Variants in DNAH7 observed in about 807,000 individuals in gnomAD.
The protein encoded by DNAH7 is dynein axonemal heavy chain 7, also known as axonemal beta dynein heavy chain 7.
A neutral mutation model predicts 444.6 loss-of-function variants in DNAH7; 397 were observed. The ratio of observed to expected loss-of-function variants is 0.89; its 90% CI spans 0.82 to 0.97. The LOEUF is 0.97. DNAH7 is among the 50% of genes least tolerant of loss of function. DNAH7 has a pLI of 0.00. For synonymous variants in DNAH7, 1,636 were observed against 1,624.4 expected, an observed-to-expected ratio of 1.01 and a Z score of -0.17; for missense variants, 4,902 against 4,800.8, an observed-to-expected ratio of 1.02 and a Z score of -0.62.
intron 58 of DNAH7, among the ~76,000 whole-genome samples, chr2:195,778,488 G>C (rs899878676): frequency 6.8e-6 from 1 of 148,142 alleles, no homozygotes; most frequent in Non-Finnish European, 1.5e-5. Context: ...AAAAAAAAAA[G>C]TAACCAGGTA....
chr2:195,747,122 A>G (rs964753719), intron 63 of DNAH7, among the ~76,000 whole-genome samples: 3 of 152,186 alleles, frequency 2.0e-5, no homozygotes, highest in African/African-American at 7.2e-5. Context: ...AAAGAAGAAA[A>G]GAGAGAAGAA....
At chr2:195,821,748 A>G (rs772964870) in intron 49 of DNAH7, among the ~76,000 whole-genome samples, 4 of 152,192 alleles carry the variant, frequency 2.6e-5, no homozygotes, top group Non-Finnish European at 5.9e-5. Context: ...GTGGATTAGC[A>G]TCCAAGATGG....
intron 10 of DNAH7, among the ~76,000 whole-genome samples, chr2:196,004,293 G>A (rs1335316976): frequency 6.6e-6 from 1 of 152,134 alleles, no homozygotes; most frequent in East Asian, 1.9e-4. Flanking sequence ...TAGGCTATAT[G>A]GGAGGCTAAG....
chr2:195,810,429 A>T (rs976069842), intron 51 of DNAH7, among the ~76,000 whole-genome samples: 1 of 152,158 alleles, frequency 6.6e-6, no homozygotes, highest in Non-Finnish European at 1.5e-5. Flanking sequence ...TTTATTTGAG[A>T]CAGGGTCTCA....
At chr2:195,894,593 AT>A (rs1702198738) in intron 30 of DNAH7, 1 of 161,212 alleles carries the variant, frequency 6.2e-6, no homozygotes, top group Admixed American at 6.1e-5. Flanking sequence ...ACATATACAC[AT>A]TTCAGTTCAA....
rs544115565 is a variant in DNAH7 at position 195,839,166 on chromosome 2, T to C, written c.8946-4806A>G. Reference sequence around the variant, plus strand: ...ATTTTAAACAACTGGAATCATACAATGATAGTCTGAAAATAACAAATAAAT... The same window carrying C: ...ATTTTAAACAACTGGAATCATACAACGATAGTCTGAAAATAACAAATAAAT... On this transcript the variant is annotated intron_variant, in intron 47 of 64. Transcript: ENST00000312428. Among the ~76,000 whole-genome samples the C allele has an allele frequency of 1.7e-3, 261 of 151,708 alleles. 1 individual carries two copies. The highest frequency in any genetic ancestry group is 6.1e-3 in the African/African-American group (251 of 41,454).
chr2:195,936,388 C>T (rs987898467), intron 20 of DNAH7, among the ~76,000 whole-genome samples: 1 of 151,778 alleles, frequency 6.6e-6, no homozygotes, highest in East Asian at 1.9e-4. Flanking sequence ...AACAAAAAAA[C>T]AAACAAAAAA....
intron 12 of DNAH7, among the ~76,000 whole-genome samples, chr2:195,990,814 T>TATATACTTAAATATATATAC (rs1559310189): frequency 8.3e-6 from 1 of 120,470 alleles, no homozygotes; most frequent in African/African-American, 3.2e-5. Context: ...TGTGTGTGTA[T>TATATACTTAAATATATATAC]ATATATATAC....
chr2:195,843,085 T>C (rs1698785360), intron 47 of DNAH7, among the ~76,000 whole-genome samples: 1 of 152,196 alleles, frequency 6.6e-6, no homozygotes, highest in South Asian at 2.1e-4. Flanking sequence ...CATGCTGTAG[T>C]TAATTGGTCC....
chr2:195,740,877 T>C lies in DNAH7; in HGVS notation c.11765-8A>G. On this transcript the variant is annotated splice_region_variant and splice_polypyrimidine_tract_variant and intron_variant, in intron 63 of 64. Coordinates refer to ENST00000312428, the MANE Select transcript of DNAH7 (RefSeq NM_018897.3). ...ATCCGTGAATGAAAACACCTAAATA[T>C]AAAAGAAACACATTAATATAACACT... 2.1e-5 allele frequency: 31 copies of C among 1,492,150 alleles called. No individual in the cohort carries two copies. The highest frequency in any genetic ancestry group is 2.7e-5 in the Non-Finnish European group (30 of 1,107,488). The allele number at this position is 1,492,150 out of a possible 1,614,324, so 92.4% of individuals were successfully genotyped here. A position where few individuals can be genotyped will look rare whatever the true frequency, so the allele number is the denominator to read the frequency against.
chr2:196,026,547 T>C (rs1695702121), intron 7 of DNAH7, among the ~76,000 whole-genome samples: 1 of 152,180 alleles, frequency 6.6e-6, no homozygotes, highest in Admixed American at 6.6e-5. Flanking sequence ...TCCTTTGTGG[T>C]GGGGATATAT....
rs556776367 is a variant in DNAH7 at position 195,829,859 on chromosome 2, A to G, written c.9100+4347T>C. Among the ~76,000 whole-genome samples the G allele has an allele frequency of 5.9e-5, 9 of 152,196 alleles. No individual in the cohort carries two copies. The East Asian group carries it at 1.7e-3, about 29-fold the overall frequency. On this transcript the variant is annotated intron_variant, in intron 48 of 64. Coordinates refer to ENST00000312428, the MANE Select transcript of DNAH7 (RefSeq NM_018897.3). ...AGAATCAAGTCTTAATCCTGTTAGG[A>G]AAGATATTTGTAGTGTCTTGATTTC...
intron 19 of DNAH7, among the ~76,000 whole-genome samples, chr2:195,940,096 G>C (rs972429456): frequency 6.6e-6 from 1 of 152,138 alleles, no homozygotes; most frequent in African/African-American, 2.4e-5. Flanking sequence ...CAAAGCTGGA[G>C]GCATCATGCT....
intron 57 of DNAH7, among the ~76,000 whole-genome samples, chr2:195,791,559 T>C (rs1695880334): frequency 6.6e-6 from 1 of 152,106 alleles, no homozygotes; most frequent in African/African-American, 2.4e-5. Context: ...TTACTGTGTG[T>C]ATATCCAGAG....
At chr2:195,889,021 G>A (rs751689861) in intron 31 of DNAH7, 40 bp from the exon 32 acceptor site, 1 of 1,525,548 alleles carries the variant, frequency 6.6e-7, no homozygotes, top group South Asian at 1.2e-5. Context: ...AAAACGTAAT[G>A]ATGATAATAT....
chr2:195,768,996 A>G (rs1694716224), intron 61 of DNAH7, among the ~76,000 whole-genome samples: 2 of 152,178 alleles, frequency 1.3e-5, no homozygotes, highest in Admixed American at 6.5e-5. Context: ...TTTCACTGAG[A>G]TATTGGAAAA....
chr2:196,016,198 C>T (rs577098545), intron 9 of DNAH7, among the ~76,000 whole-genome samples: 7 of 152,098 alleles, frequency 4.6e-5, no homozygotes, highest in Non-Finnish European at 1.0e-4. Flanking sequence ...GGAGTCCCAT[C>T]CTTCAGTGTC....
chr2:195,805,776 C>T (rs922696955), intron 54 of DNAH7, among the ~76,000 whole-genome samples: 2 of 152,168 alleles, frequency 1.3e-5, no homozygotes, highest in East Asian at 1.9e-4. Flanking sequence ...CCTCCTGTGC[C>T]TAATGGATAC....
intron 54 of DNAH7, among the ~76,000 whole-genome samples, chr2:195,803,972 T>TA (rs767758455): frequency 6.6e-6 from 1 of 152,162 alleles, no homozygotes; most frequent in Non-Finnish European, 1.5e-5. Flanking sequence ...GTGAGACTCT[T>TA]ACATTTTTTC....
Sources: gnomAD v4.1 joint callset for allele counts (sites outside exome capture counted in the v4.1 genomes callset) on GRCh38, gnomAD v4.1.1 for gene constraint, MANE v1.5 for transcripts, NCBI Gene and HGNC (gene_info 2026-07-23, HGNC 2026-07-21) for gene names.